The following ITIH5 variants were observed in gnomAD, a reference collection of about 807,000 sequenced individuals.
The protein encoded by ITIH5 is inter-alpha-trypsin inhibitor heavy chain H5.
Under a neutral mutation model 77.5 loss-of-function variants are expected in ITIH5, and 65 were observed. The observed-to-expected ratio is 0.84, with a 90% CI of 0.69 to 1.03. The LOEUF is 1.03. ITIH5 is among the 50% of genes least tolerant of loss of function. The probability of loss-of-function intolerance (pLI) is 0.00; values close to 1 mark genes in which losing one functional copy is unlikely to be tolerated. For missense variants in ITIH5, 1,208 were observed against 1,213.1 expected, an observed-to-expected ratio of 1.00 and a Z score of 0.06; for synonymous variants, 525 against 494.3, an observed-to-expected ratio of 1.06 and a Z score of -0.82.
chr10:7,664,409 A>AAC (rs1260604508), intron 1 of ITIH5, among the ~76,000 whole-genome samples: 1 of 151,872 alleles, frequency 6.6e-6, no homozygotes, highest in Non-Finnish European at 1.5e-5. Context: ...CAAAAAAAAA[A>AAC]AAAAAACTAA....
intron 7 of ITIH5, chr10:7,600,448 C>T (rs1229083853): frequency 6.7e-6 from 3 of 444,946 alleles, no homozygotes; most frequent in African/African-American, 6.0e-5. Context: ...GTCCCTTCAG[C>T]CCACTGCTGC....
chr10:7,639,223 T>C (rs1299693092), intron 4 of ITIH5, among the ~76,000 whole-genome samples: 1 of 152,190 alleles, frequency 6.6e-6, no homozygotes, highest in Non-Finnish European at 1.5e-5. Context: ...AGGGTTTTTA[T>C]AGAATTAGGG....
chr10:7,605,723 A>C (rs1833111503), intron 7 of ITIH5, among the ~76,000 whole-genome samples: 1 of 150,526 alleles, frequency 6.6e-6, no homozygotes, highest in Non-Finnish European at 1.5e-5. Flanking sequence ...GCCAGCCAAG[A>C]CTACACAATC....
Position 7,644,735 on chromosome 10 carries a change from A to G in ITIH5, c.136-2645T>C, listed in dbSNP as rs187212479. On this transcript the variant is annotated intron_variant, in intron 2 of 13. Coordinates refer to ENST00000397146, the MANE Select transcript of ITIH5 (RefSeq NM_030569.7). ...TATATATCATATATATCACATATCT[A>G]TATCACATATATATCACATATATCA... Among the ~76,000 whole-genome samples, 59 of 124,450 alleles carry G rather than the reference A, an allele frequency of 4.7e-4. 1 individual carries two copies. Among genetic ancestry groups the G allele is most frequent in the African/African-American group, 2.3e-3 (57 of 24,664 alleles). The allele number at this position is 124,450 out of a possible 152,430, so 81.6% of individuals were successfully genotyped here.
intron 8 of ITIH5, among the ~76,000 whole-genome samples, chr10:7,580,754 G>T (rs1832534787): frequency 6.6e-6 from 1 of 152,216 alleles, no homozygotes; most frequent in Admixed American, 6.5e-5. Context: ...GGTAGCTGCT[G>T]ACATCTCAGA....
chr10:7,570,099 C>A, intron 11 of ITIH5: 1 of 195,640 alleles, frequency 5.1e-6, no homozygotes, highest in Admixed American at 5.9e-5. Flanking sequence ...AGAGAGATCC[C>A]CACACACCTT....
Position 7,577,012 on chromosome 10 carries a change from C to A in ITIH5, c.1419G>T (p.Gly473=). The part of the protein sequence containing the change: ...EEEDAGSQLI[G]FYDEIRTPLL... ...GCGGGGTCCTGATTTCATCGTAGAA[C>A]CTGCAGTGGAAGCACAGGGAGGGAG... Residue 473 remains glycine (G), a splice_region_variant and synonymous_variant, in exon 10 of 14, where the codon GGG becomes GGT. Coordinates refer to ENST00000397146, the MANE Select transcript of ITIH5 (RefSeq NM_030569.7). 6.2e-7 allele frequency: 1 copy of A among 1,605,166 alleles called. No homozygotes were observed. Among genetic ancestry groups the A allele is most frequent in the Non-Finnish European group, 8.5e-7 (1 of 1,174,000 alleles).
At chr10:7,563,916 C>T (rs1588352280) in intron 13 of ITIH5, among the ~76,000 whole-genome samples, 1 of 152,278 alleles carries the variant, frequency 6.6e-6, no homozygotes, top group Non-Finnish European at 1.5e-5. Flanking sequence ...GGCCGCCAGG[C>T]CCCACGAAAC....
rs1408847451 is a variant in ITIH5 at position 7,567,503 on chromosome 10, G to A, written c.2150-1096C>T. 6.4e-5 allele frequency among the ~76,000 whole-genome samples: 9 copies of A among 140,846 alleles called. No individual in the cohort carries two copies. The East Asian group carries it at 8.8e-4, about 14-fold the overall frequency. The allele number at this position is 140,846 out of a possible 152,430, so 92.4% of individuals were successfully genotyped here. A position where few individuals can be genotyped will look rare whatever the true frequency, so the allele number is the denominator to read the frequency against. On this transcript the variant is annotated intron_variant, in intron 12 of 13. Transcript: ENST00000397146. The stretch of plus-strand genomic sequence containing the variant: ...TCCCGCCCCCCTACCCTGACCCCAC[G>A]ACAGGCCCTGGTATGTGATGTTCCC...
chr10:7,606,893 ATTT>A (rs937924638), intron 7 of ITIH5, among the ~76,000 whole-genome samples: 1 of 151,990 alleles, frequency 6.6e-6, no homozygotes, highest in Non-Finnish European at 1.5e-5. Flanking sequence ...TTGGAGAGCA[ATTT>A]TTTTTCTTGA....
At position 7,613,656 on chromosome 10, in the gene ITIH5, A is replaced by G. The variant is rs1833302836; in HGVS notation, c.939+2326T>C. On this transcript the variant is annotated intron_variant, in intron 7 of 13. Coordinates refer to ENST00000397146, the MANE Select transcript of ITIH5 (RefSeq NM_030569.7). ...TAAAAAAATCTTTAAAGTAGCAGAA[A>G]GCAAACAAAACAGTGAGAAAAAAAA... Among the ~76,000 whole-genome samples the G allele has an allele frequency of 2.0e-5, 3 of 152,242 alleles. No individual in the cohort carries two copies. In the South Asian group the frequency reaches 6.2e-4, roughly 32 times the overall value.
chr10:7,612,812 C>T (rs570270090), intron 7 of ITIH5, among the ~76,000 whole-genome samples: 2 of 152,032 alleles, frequency 1.3e-5, no homozygotes, highest in Non-Finnish European at 2.9e-5. Context: ...TCATACTGAT[C>T]GTATGTAAGC....
intron 1 of ITIH5, among the ~76,000 whole-genome samples, chr10:7,665,641 T>G (rs2131123670): frequency 6.6e-6 from 1 of 152,328 alleles, no homozygotes; most frequent in South Asian, 2.1e-4. Context: ...TACCAGGTGC[T>G]TAACACAAAT....
chr10:7,649,219 TCTTCTTTCTTCTTC>T (rs999431467), intron 2 of ITIH5, among the ~76,000 whole-genome samples: 4 of 150,310 alleles, frequency 2.7e-5, no homozygotes, highest in Non-Finnish European at 4.4e-5. Flanking sequence ...TTCTCCTCTT[TCTTCTTTCTTCTTC>T]CTTCTTTCTT....
intron 7 of ITIH5, among the ~76,000 whole-genome samples, chr10:7,607,133 A>C (rs1588394513): frequency 6.6e-6 from 1 of 152,232 alleles, no homozygotes; most frequent in East Asian, 1.9e-4. Flanking sequence ...GAATAAACAC[A>C]ATCAACTGGC....
At chr10:7,587,655 A>G (rs898644503) in intron 7 of ITIH5, among the ~76,000 whole-genome samples, 2 of 151,614 alleles carry the variant, frequency 1.3e-5, no homozygotes, top group African/African-American at 4.9e-5. Flanking sequence ...CAGAATCGAG[A>G]TGAAAAGGGC....
chr10:7,632,362 T>C (rs1313271852), intron 5 of ITIH5, among the ~76,000 whole-genome samples: 1 of 152,132 alleles, frequency 6.6e-6, no homozygotes, highest in Non-Finnish European at 1.5e-5. Context: ...CGTTCTAAAA[T>C]TGGACCCTGA....
chr10:7,630,851 C>T (rs1255325748), intron 5 of ITIH5, among the ~76,000 whole-genome samples: 1 of 151,948 alleles, frequency 6.6e-6, no homozygotes, highest in Non-Finnish European at 1.5e-5. Flanking sequence ...AAACACTTCT[C>T]GGTGATGAAC....
At chr10:7,644,731 A>G (rs1833966563) in intron 2 of ITIH5, among the ~76,000 whole-genome samples, 1 of 129,392 alleles carries the variant, frequency 7.7e-6, no homozygotes, top group African/African-American at 3.3e-5. Context: ...TATATCACAT[A>G]TCTATATCAC....
Sources: gnomAD v4.1 joint callset for allele counts (sites outside exome capture counted in the v4.1 genomes callset) on GRCh38, gnomAD v4.1.1 for gene constraint, MANE v1.5 for transcripts, NCBI Gene and HGNC (gene_info 2026-07-23, HGNC 2026-07-21) for gene names.